ZMYM2: variants seen among roughly 807,000 people sequenced by gnomAD.
ZMYM2 encodes zinc finger MYM-type containing 2.
Under a neutral mutation model 162.8 loss-of-function variants are expected in ZMYM2, and 56 were observed. That is an observed-to-expected ratio of 0.34 (90% CI 0.28 to 0.43). ZMYM2 has a LOEUF of 0.43. Ranked by LOEUF, ZMYM2 falls within the 20% of genes least tolerant of loss-of-function variation. The probability of loss-of-function intolerance (pLI) is 1.00; values close to 1 mark genes in which losing one functional copy is unlikely to be tolerated. For synonymous variants in ZMYM2, 510 were observed against 541.6 expected, an observed-to-expected ratio of 0.94 and a Z score of 0.81; for missense variants, 1,275 against 1,621.8, an observed-to-expected ratio of 0.79 and a Z score of 3.67.
the ZMYM2 span, among the ~76,000 whole-genome samples, chr13:19,911,802 G>A: frequency 6.6e-6 from 1 of 152,216 alleles, no homozygotes. Context: ...CGGAGTTAGG[G>A]CTATTCTGTG....
chr13:19,990,791 A>C (rs1221438012), intron 2 of ZMYM2, among the ~76,000 whole-genome samples: 1 of 152,178 alleles, frequency 6.6e-6, no homozygotes, highest in Non-Finnish European at 1.5e-5. Flanking sequence ...TTTTCAGATA[A>C]TACACTATGA....
chr13:20,054,279 T>C (rs1159114973), intron 14 of ZMYM2, among the ~76,000 whole-genome samples: 2 of 152,250 alleles, frequency 1.3e-5, no homozygotes, highest in Non-Finnish European at 2.9e-5. Context: ...TCATGTTGAA[T>C]ACTAAACGTG....
intron 6 of ZMYM2, among the ~76,000 whole-genome samples, chr13:20,011,642 C>T (rs552900215): frequency 6.7e-6 from 1 of 148,792 alleles, no homozygotes; most frequent in Non-Finnish European, 1.5e-5. Context: ...TGCAATGGCA[C>T]GATCTTGGCT....
At chr13:20,036,512 A>G (rs1167377404) in intron 11 of ZMYM2, among the ~76,000 whole-genome samples, 1 of 152,184 alleles carries the variant, frequency 6.6e-6, no homozygotes, top group Non-Finnish European at 1.5e-5. Context: ...ACATTACTAG[A>G]TTTTAATATC....
chr13:20,062,608 GTCC>G (rs1479027495), intron 17 of ZMYM2, among the ~76,000 whole-genome samples: 2 of 152,170 alleles, frequency 1.3e-5, no homozygotes, highest in African/African-American at 4.8e-5. Flanking sequence ...TTTGAAGGGA[GTCC>G]TCCTGTAAAA....
Position 20,005,125 on chromosome 13 carries a change from G to C in ZMYM2, c.1185G>C (p.Glu395Asp). Residue 395 changes from glutamate to aspartate, a missense_variant, in exon 5 of 25, where the codon GAG becomes GAC. This residue lies in a region of ZMYM2 where 115 missense variants were observed against 175.3 expected (regional missense o/e 0.66). Transcript: ENST00000610343. Reference protein sequence around the residue: ...GTIVAQVDSSESFQEFCSTSC... With the variant: ...GTIVAQVDSSDSFQEFCSTSC... ...TTGTTGCTCAAGTGGATTCAAGTGA[G>C]TCCTTCCAGGAATTCTGTAGTACAT... The C allele has an allele frequency of 6.2e-7, 1 of 1,606,844 alleles. No individual in the cohort carries two copies. Among genetic ancestry groups the C allele is most frequent in the Non-Finnish European group, 8.5e-7 (1 of 1,177,644 alleles).
intron 2 of ZMYM2, among the ~76,000 whole-genome samples, chr13:19,976,383 A>G (rs1956794700): frequency 6.6e-6 from 1 of 152,042 alleles, no homozygotes. Flanking sequence ...GTGCGTGTGA[A>G]ATGGTACTTT....
the ZMYM2 span, among the ~76,000 whole-genome samples, chr13:19,923,191 C>CA: frequency 0.22 from 27,536 of 125,322 alleles, 3,293 homozygotes; most frequent in African/African-American, 0.32. Flanking sequence ...ACTAAATATA[C>CA]AAAAAAAAAA....
chr13:19,869,588 G>A, the ZMYM2 span, among the ~76,000 whole-genome samples: 56 of 152,210 alleles, frequency 3.7e-4, no homozygotes, highest in Admixed American at 6.5e-4. Flanking sequence ...AAGAGTTTCA[G>A]ACCAGCCTGG....
At chr13:19,918,516 T>TG in the ZMYM2 span, among the ~76,000 whole-genome samples, 1 of 136,440 alleles carries the variant, frequency 7.3e-6, no homozygotes, top group African/African-American at 3.0e-5. Context: ...TTTTTTTTTT[T>TG]TGAGACGGAG....
intron 17 of ZMYM2, among the ~76,000 whole-genome samples, chr13:20,062,312 T>C (rs980189257): frequency 1.3e-5 from 2 of 152,184 alleles, no homozygotes. Context: ...CCAGTGTGTA[T>C]ACAGATGTCT....
At chr13:20,061,327 G>A (rs1956214848) in intron 17 of ZMYM2, 103 bp downstream of exon 17, 7 of 1,286,498 alleles carry the variant, frequency 5.4e-6, no homozygotes, top group Non-Finnish European at 6.3e-6. Flanking sequence ...TTCAACTTAT[G>A]TGGGGGTGAG....
the ZMYM2 span, among the ~76,000 whole-genome samples, chr13:19,952,322 C>T: frequency 1.3e-5 from 2 of 151,942 alleles, no homozygotes; most frequent in Admixed American, 1.3e-4. Flanking sequence ...GACTGTACAC[C>T]ATATTGTGCA....
At chr13:19,901,283 A>G in the ZMYM2 span, among the ~76,000 whole-genome samples, 3 of 152,218 alleles carry the variant, frequency 2.0e-5, no homozygotes, top group South Asian at 2.1e-4. Context: ...CTGGGTATAT[A>G]CCCAAAGGAA....
intron 11 of ZMYM2, 107 bp from the exon 12 acceptor site, chr13:20,036,630 G>T: frequency 1.1e-6 from 1 of 890,976 alleles, no homozygotes; most frequent in Non-Finnish European, 1.5e-6. Flanking sequence ...AGATTTTATA[G>T]TTTTGATCAG....
chr13:19,940,261 A>C, the ZMYM2 span, among the ~76,000 whole-genome samples: 2 of 152,342 alleles, frequency 1.3e-5, no homozygotes, highest in East Asian at 3.9e-4. Context: ...GTGAGCCAGA[A>C]TATGGGGCTA....
chr13:20,049,596 T>C (rs1374632191), intron 12 of ZMYM2, among the ~76,000 whole-genome samples: 1 of 152,094 alleles, frequency 6.6e-6, no homozygotes, highest in East Asian at 1.9e-4. Context: ...TCATTTTGTC[T>C]TTATTGCTTA....
At chr13:19,924,878 CTTTT>C in the ZMYM2 span, among the ~76,000 whole-genome samples, 2 of 136,770 alleles carry the variant, frequency 1.5e-5, no homozygotes, top group African/African-American at 2.7e-5. Context: ...TTTATTGAAA[CTTTT>C]TTTTTTTTTT....
At chr13:19,977,009 C>T (rs1307108685) in intron 2 of ZMYM2, among the ~76,000 whole-genome samples, 1 of 152,142 alleles carries the variant, frequency 6.6e-6, no homozygotes, top group Non-Finnish European at 1.5e-5. Context: ...CTAGAACGAA[C>T]CTTTCATCAA....
Sources: allele counts gnomAD v4.1 joint callset (sites outside exome capture counted in the v4.1 genomes callset), GRCh38; gene constraint gnomAD v4.1.1; regional missense constraint gnomAD v4.1.1; transcripts MANE v1.5; gene names NCBI Gene and HGNC (gene_info 2026-07-23, HGNC 2026-07-21).